PTPRT: variants seen among roughly 807,000 people sequenced by gnomAD.
The protein encoded by PTPRT is protein tyrosine phosphatase receptor type T, also known as receptor-type tyrosine-protein phosphatase T.
In PTPRT, 56 loss-of-function variants were observed where a neutral mutation model predicts 176.8. The observed-to-expected ratio is 0.32, with a 90% CI of 0.26 to 0.40. The LOEUF (loss-of-function observed/expected upper bound fraction) is 0.40. PTPRT is among the 10% of genes least tolerant of loss of function. PTPRT has a pLI of 1.00. For synonymous variants in PTPRT, 783 were observed against 739.0 expected (o/e 1.06, Z -0.96); for missense variants, 1,540 against 1,908.2 (o/e 0.81, Z 3.60).
chr20:43,022,026 A>C (rs1180713977), intron 1 of PTPRT, among the ~76,000 whole-genome samples: 2 of 152,130 alleles, frequency 1.3e-5, no homozygotes, highest in Non-Finnish European at 2.9e-5. Context: ...TCTTTCTTGG[A>C]AGCCCCACCC....
intron 2 of PTPRT, among the ~76,000 whole-genome samples, chr20:42,851,976 T>C (rs1241284742): frequency 3.9e-5 from 6 of 152,224 alleles, no homozygotes; most frequent in Non-Finnish European, 1.5e-5. Context: ...ATAGTAAGTA[T>C]TTACATAGAC....
At chr20:42,981,187 T>A (rs1457367167) in intron 1 of PTPRT, among the ~76,000 whole-genome samples, 1 of 152,218 alleles carries the variant, frequency 6.6e-6, no homozygotes, top group Non-Finnish European at 1.5e-5. Context: ...CAGGTGCAAT[T>A]TTTACTTAGG....
intron 19 of PTPRT, among the ~76,000 whole-genome samples, chr20:42,126,025 T>TGGGGGGGGGGGGGG (rs144977174): frequency 4.8e-5 from 2 of 41,754 alleles, no homozygotes; most frequent in Non-Finnish European, 1.1e-4. Flanking sequence ...TGTCTGGGAG[T>TGGGGGGGGGGGGGG]GGGGGGGGGG....
rs543947303 is a variant in PTPRT at position 42,495,628 on chromosome 20, C to T, written c.1154-23066G>A. On this transcript the variant is annotated intron_variant, in intron 7 of 30. Transcript: ENST00000373187. ...CAGTTTTCCCGTTAGAGTCTCAGCG[C>T]TCCCTTGAGGAAGAGGTAGCTCAAT... Among the ~76,000 whole-genome samples, 4 of 152,254 alleles carry T rather than the reference C, an allele frequency of 2.6e-5. No individual in the cohort carries two copies. The South Asian group carries it at 6.2e-4, about 24-fold the overall frequency.
At chr20:42,363,313 T>A (rs2058466438) in intron 9 of PTPRT, among the ~76,000 whole-genome samples, 1 of 107,362 alleles carries the variant, frequency 9.3e-6, no homozygotes, top group African/African-American at 3.7e-5. Context: ...TTTTTTTTTT[T>A]TTTTTTTTTT....
chr20:42,659,313 T>C (rs1290153116), intron 7 of PTPRT, among the ~76,000 whole-genome samples: 1 of 152,216 alleles, frequency 6.6e-6, no homozygotes, highest in Admixed American at 6.5e-5. Flanking sequence ...CATCTATCTT[T>C]GGAATATGTG....
intron 19 of PTPRT, among the ~76,000 whole-genome samples, chr20:42,124,303 A>ATCTG (rs1161381955): frequency 6.6e-6 from 1 of 152,222 alleles, no homozygotes; most frequent in Non-Finnish European, 1.5e-5. Flanking sequence ...GCCTGCCTCC[A>ATCTG]TCTGTCTGTG....
intron 7 of PTPRT, among the ~76,000 whole-genome samples, chr20:42,598,856 C>T (rs1422721882): frequency 6.6e-6 from 1 of 152,178 alleles, no homozygotes; most frequent in Non-Finnish European, 1.5e-5. Context: ...GATGGCAGCA[C>T]CCCTCGTTCA....
chr20:42,327,259 A>G (rs1454234394), intron 11 of PTPRT, among the ~76,000 whole-genome samples: 1 of 152,134 alleles, frequency 6.6e-6, no homozygotes, highest in Non-Finnish European at 1.5e-5. Flanking sequence ...CTACATATGA[A>G]AAACCACATT....
At chr20:42,184,535 C>CCCTTCTTCT (rs1990657086) in intron 16 of PTPRT, among the ~76,000 whole-genome samples, 1 of 36,616 alleles carries the variant, frequency 2.7e-5, no homozygotes, top group African/African-American at 1.3e-4. Context: ...CTTCTTCTTC[C>CCCTTCTTCT]TCTTCCTCTT....
chr20:42,674,749 C>T (rs1283664155), intron 7 of PTPRT, among the ~76,000 whole-genome samples: 1 of 152,132 alleles, frequency 6.6e-6, no homozygotes, highest in African/African-American at 2.4e-5. Flanking sequence ...AAGAAAATGG[C>T]ATCTCTGTTC....
chr20:42,523,839 AGC>A (rs200990951), intron 7 of PTPRT, among the ~76,000 whole-genome samples: 1,974 of 152,246 alleles, frequency 0.013, 42 homozygotes, highest in African/African-American at 0.045. Flanking sequence ...TTAAAATTGT[AGC>A]CAGGCACAGT....
At chr20:42,654,659 GAATGACTCT>G (rs1336719127) in intron 7 of PTPRT, among the ~76,000 whole-genome samples, 1 of 152,196 alleles carries the variant, frequency 6.6e-6, no homozygotes, top group African/African-American at 2.4e-5. Context: ...TGGGCACCTT[GAATGACTCT>G]CTACATATCT....
intron 6 of PTPRT, among the ~76,000 whole-genome samples, chr20:42,690,211 A>G (rs2146115380): frequency 6.6e-6 from 1 of 152,246 alleles, no homozygotes; most frequent in African/African-American, 2.4e-5. Flanking sequence ...AGAGGTCAAA[A>G]GTGACCTGAT....
intron 7 of PTPRT, among the ~76,000 whole-genome samples, chr20:42,574,253 C>T (rs6130169): frequency 0.48 from 73,167 of 151,948 alleles, 17,873 homozygotes; most frequent in East Asian, 0.63. Context: ...ACTGGCAATT[C>T]CCTGCAAAGG....
rs778941606 is a variant in PTPRT, at chr20:42,119,011, A to AG, written c.2885-512dup. 9.1e-3 allele frequency among the ~76,000 whole-genome samples: 984 copies of AG among 107,966 alleles called. 33 individuals are homozygous for AG. Among genetic ancestry groups the AG allele is most frequent in the East Asian group, 0.061 (177 of 2,922 alleles). The allele number at this position is 107,966 out of a possible 152,430, so 70.8% of individuals were successfully genotyped here. On this transcript the variant is annotated intron_variant, in intron 20 of 30. Coordinates refer to ENST00000373187, the MANE Select transcript of PTPRT (RefSeq NM_007050.6). ...TCCTCTAGGGCCTCAACAGAAAGGA[A>AG]GGAAAAAAAAAAAAAAAAAAAAAAA...
chr20:42,802,797 T>G (rs1420373828), intron 2 of PTPRT, among the ~76,000 whole-genome samples: 1 of 152,204 alleles, frequency 6.6e-6, no homozygotes, highest in Non-Finnish European at 1.5e-5. Context: ...TGACTCAAAC[T>G]GCCAGATCAA....
At chr20:42,789,076 C>T (rs1379619073) in intron 3 of PTPRT, among the ~76,000 whole-genome samples, 1 of 152,224 alleles carries the variant, frequency 6.6e-6, no homozygotes, top group African/African-American at 2.4e-5. Flanking sequence ...GTATCCACTT[C>T]TTCAGCTATA....
chr20:43,160,919 T>TAAAAA (rs11484206), intron 1 of PTPRT, among the ~76,000 whole-genome samples: 1 of 143,344 alleles, frequency 7.0e-6, no homozygotes. Flanking sequence ...GAATTTTCTT[T>TAAAAA]AAAAAAAAAA....
Sources: allele counts gnomAD v4.1 joint callset (sites outside exome capture counted in the v4.1 genomes callset), GRCh38; gene constraint gnomAD v4.1.1; transcripts MANE v1.5; gene names NCBI Gene and HGNC (gene_info 2026-07-23, HGNC 2026-07-21).